NCL: variants seen among roughly 807,000 people sequenced by gnomAD.
NCL encodes nucleolin multifunctional protein.
Under a neutral mutation model 77.7 loss-of-function variants are expected in NCL, and 4 were observed. The ratio of observed to expected loss-of-function variants is 0.05; its 90% CI spans 0.03 to 0.12. NCL has a LOEUF of 0.12. Ranked by LOEUF, NCL falls within the 10% of genes least tolerant of loss-of-function variation. NCL has a pLI of 1.00. For synonymous variants in NCL, 344 were observed against 297.8 expected (o/e 1.16, Z -1.60); for missense variants, 763 against 860.9 (o/e 0.89, Z 1.42).
rs2046864947 is a variant in NCL at position 231,454,617 on chromosome 2, T to A, written c.*574A>T. The A allele has an allele frequency of 6.5e-6, 1 of 153,006 alleles. No individual in the cohort carries two copies. The highest frequency in any genetic ancestry group is 6.5e-5 in the Admixed American group (1 of 15,410). 9.5% of individuals were successfully genotyped at this position (153,006 alleles called of 1,614,324 possible). ...CCCCTCACCAGCATTTCAACCAAGTTAGTTAGGGCTGGGATACTGGAAACA... is the reference window on the plus strand; with the variant it reads ...CCCCTCACCAGCATTTCAACCAAGTAAGTTAGGGCTGGGATACTGGAAACA... On this transcript the variant is annotated 3_prime_UTR_variant, in exon 14 of 14. Transcript: ENST00000322723.
chr2:231,455,659 G>T (rs761783821), intron 12 of NCL, 35 bp from the exon 13 acceptor site: 1 of 1,601,258 alleles, frequency 6.2e-7, no homozygotes, highest in East Asian at 2.2e-5. Flanking sequence ...ATTATAAAAA[G>T]CACCTACTAC....
At position 231,464,481 on chromosome 2, in the gene NCL, G is replaced by T; in HGVS notation, c.-128C>A. Reference sequence around the variant, plus strand: ...CACCCGAAGGCCAGCGAGAGCTCGAGACTGAGGCGAAAGACTGAGCCTGCC... The same window carrying T: ...CACCCGAAGGCCAGCGAGAGCTCGATACTGAGGCGAAAGACTGAGCCTGCC... On this transcript the variant is annotated 5_prime_UTR_variant, in exon 1 of 14. Coordinates refer to ENST00000322723, the MANE Select transcript of NCL (RefSeq NM_005381.3). 1.5e-6 allele frequency: 2 copies of T among 1,337,360 alleles called. No individual in the cohort carries two copies. The highest frequency in any genetic ancestry group is 2.1e-6 in the Non-Finnish European group (2 of 956,132). 82.8% of individuals were successfully genotyped at this position (1,337,360 alleles called of 1,614,324 possible).
chr2:231,457,165 T>C (rs762451040), intron 9 of NCL, 41 bp from the exon 10 acceptor site: 2 of 1,611,906 alleles, frequency 1.2e-6, no homozygotes, highest in African/African-American at 1.3e-5. Flanking sequence ...TCTGAAACAG[T>C]GGTTCCCAGC....
Position 231,462,037 on chromosome 2 carries a change from C to T in NCL, c.136-20G>A, listed in dbSNP as rs967891580. The T allele has an allele frequency of 6.2e-7, 1 of 1,612,372 alleles. No individual in the cohort carries two copies. On this transcript the variant is annotated intron_variant, in intron 2 of 13. Coordinates refer to ENST00000322723, the MANE Select transcript of NCL (RefSeq NM_005381.3). ...GACGACCTTGAGAATAAATGAAAAC[C>T]AAACCAGTAAGTCCAGCCCCACACC...
Position 231,456,236 on chromosome 2 carries a change from T to G in NCL, c.1706-100A>C, listed in dbSNP as rs1259273719. ...GACTACTAGCCAAGAATACTTGTTA[T>G]AGTGAAAAAGCAGTTAAAAGCAACT... On this transcript the variant is annotated intron_variant, in intron 11 of 13. Transcript: ENST00000322723. 17 of 1,483,064 alleles carry G rather than the reference T, an allele frequency of 1.1e-5. 1 individual carries two copies. The South Asian group carries it at 1.9e-4, about 16-fold the overall frequency. 91.9% of individuals were successfully genotyped at this position (1,483,064 alleles called of 1,614,324 possible). A position where few individuals can be genotyped will look rare whatever the true frequency, so the allele number is the denominator to read the frequency against.
chr2:231,457,232 C>A, intron 9 of NCL, 108 bp from the exon 10 acceptor site: 1 of 1,455,114 alleles, frequency 6.9e-7, no homozygotes, highest in Non-Finnish European at 9.6e-7. Context: ...AGTTAATATA[C>A]AAATACTCAT....
At chr2:231,455,337 CG>C in intron 13 of NCL, 63 bp downstream of exon 13, 1 of 1,613,286 alleles carries the variant, frequency 6.2e-7, no homozygotes, top group Non-Finnish European at 8.5e-7. Flanking sequence ...GATTAGGAAC[CG>C]TGACAGGGCA....
At position 231,460,836 on chromosome 2, in the gene NCL, G is replaced by A. The variant is rs780724836; in HGVS notation, c.644C>T (p.Pro215Leu). 6.2e-7 allele frequency: 1 copy of A among 1,614,090 alleles called. No individual in the cohort carries two copies. Among genetic ancestry groups the A allele is most frequent in the Admixed American group, 1.7e-5 (1 of 60,004 alleles). ...TTTTGCAGCTTTCTTTCCTTTGGCT[G>A]GTGTAGTCTCCATAGCTTCTTCTTC... ...DSEEEAMETT[P>L]AKGKKAAKVV... The change falls in exon 4 of 14, where the codon CCA (proline) becomes CTA (leucine). Residue 215 changes from proline to leucine, a missense_variant. Transcript: ENST00000322723.
chr2:231,457,777 G>T lies in NCL; in HGVS notation c.1313C>A (p.Thr438Lys). The T allele has an allele frequency of 6.2e-7, 1 of 1,610,356 alleles. No homozygotes were observed. Among genetic ancestry groups the T allele is most frequent in the Non-Finnish European group, 8.5e-7 (1 of 1,178,426 alleles). Residue 438 changes from threonine (T) to lysine (K), a missense_variant, in exon 9 of 14, where the codon ACA becomes AAA. By Grantham distance (78) the Thr-to-Lys change is moderately conservative. Coordinates refer to ENST00000322723, the MANE Select transcript of NCL (RefSeq NM_005381.3). ...SKGIAYIEFK[T>K]EADAEKTFEE... ...AAAGGTTTTCTCTGCATCAGCTTCT[G>T]TCTTAAATTCAATATAAGCAATCCT...
intron 1 of NCL, 175 bp downstream of exon 1, chr2:231,464,161 T>C: frequency 7.1e-7 from 1 of 1,417,050 alleles, no homozygotes; most frequent in Non-Finnish European, 9.3e-7. Context: ...GCTCTTCACC[T>C]CGCCACCAAG....
chr2:231,459,930 A>G (rs1430147920), intron 6 of NCL, among the ~76,000 whole-genome samples: 1 of 151,618 alleles, frequency 6.6e-6, no homozygotes, highest in Non-Finnish European at 1.5e-5. Context: ...CAACAAAAAA[A>G]CTTACTAAAA....
Position 231,458,467 on chromosome 2 carries a change from A to G in NCL, c.1166-78T>C, listed in dbSNP as rs1575260235. On this transcript the variant is annotated intron_variant, in intron 7 of 13. Transcript: ENST00000322723. ...GGGCAACAACAAAAAGAGGGGAAAAACACACATAGCTCTATTCAACAAATA... is the reference window on the plus strand; with the variant it reads ...GGGCAACAACAAAAAGAGGGGAAAAGCACACATAGCTCTATTCAACAAATA... 4.6e-6 allele frequency: 7 copies of G among 1,508,406 alleles called. No individual in the cohort carries two copies. In the East Asian group the frequency reaches 1.4e-4, roughly 29 times the overall value. 93.4% of individuals were successfully genotyped at this position (1,508,406 alleles called of 1,614,324 possible). A position where few individuals can be genotyped will look rare whatever the true frequency, so the allele number is the denominator to read the frequency against.
chr2:231,461,825 T>C lies in NCL; in HGVS notation c.328A>G (p.Lys110Glu). Residue 110 changes from lysine to glutamate, a missense_variant, in exon 3 of 14, where the codon AAG becomes GAG. Physicochemically the swap from Lys to Glu is moderately conservative, Grantham distance 56. Around this residue, in one of 2 missense-constraint regions of NCL, gnomAD observed 590 missense variants for 570.5 expected, o/e 1.03. Coordinates refer to ENST00000322723, the MANE Select transcript of NCL (RefSeq NM_005381.3). ...AATGCTTTGCCTGGTGTGGCTCCCT[T>C]CTTGCCAGGTGTGGTAACTGCTTTG... ...PAKAVTTPGK[K>E]GATPGKALVA... is the part of the protein sequence containing the mutation. 6.2e-7 allele frequency: 1 copy of C among 1,613,556 alleles called. No homozygotes were observed. The highest frequency in any genetic ancestry group is 8.5e-7 in the Non-Finnish European group (1 of 1,179,954).
rs1171986774 is a variant in NCL at position 231,460,173 on chromosome 2, T to C, written c.1019A>G (p.Asp340Gly). ...TTACCTAGTCATACCAATTCTGACA[T>C]CCACAACAGCAAGATCATTTTTAGC... Reference protein sequence around the residue: ...VFAKNDLAVVDVRIGMTRKFG... With the variant: ...VFAKNDLAVVGVRIGMTRKFG... Residue 340 changes from aspartate (D) to glycine (G), a missense_variant, in exon 6 of 14, where the codon GAT becomes GGT. Asp to Gly is a moderately conservative substitution (Grantham distance 94). Coordinates refer to ENST00000322723, the MANE Select transcript of NCL (RefSeq NM_005381.3). 1.9e-6 allele frequency: 3 copies of C among 1,613,404 alleles called. No homozygotes were observed. The highest frequency in any genetic ancestry group is 1.1e-5 in the South Asian group (1 of 91,010).
In NCL at chr2:231,455,631, C is replaced by T. The variant is rs776927517; in HGVS notation, c.1833-7G>A. ...GAAGTCTACAAAACCAAACCTAGAA[C>T]ACCAAATGAAATTGCCCATTATAAA... is the stretch of plus-strand genomic sequence containing the variant. On this transcript the variant is annotated splice_region_variant and splice_polypyrimidine_tract_variant and intron_variant, in intron 12 of 13. Coordinates refer to ENST00000322723, the MANE Select transcript of NCL (RefSeq NM_005381.3). 4 of 1,613,678 alleles carry T rather than the reference C, an allele frequency of 2.5e-6. No individual in the cohort carries two copies. Among genetic ancestry groups the T allele is most frequent in the Non-Finnish European group, 3.4e-6 (4 of 1,179,770 alleles).
In NCL at chr2:231,456,154, AT is replaced by A; in HGVS notation, c.1706-19del. ...GGATGGCTCTGGGAAGGAAAAAAAA[AT>A]GTGACTTTATGTGAAGTCACAGTTC... On this transcript the variant is annotated intron_variant, in intron 11 of 13. Coordinates refer to ENST00000322723, the MANE Select transcript of NCL (RefSeq NM_005381.3). 1.2e-6 allele frequency: 2 copies of A among 1,613,204 alleles called. No homozygotes were observed. The highest frequency in any genetic ancestry group is 1.7e-6 in the Non-Finnish European group (2 of 1,179,780).
intron 9 of NCL, 95 bp downstream of exon 9, chr2:231,457,548 T>C: frequency 1.6e-6 from 2 of 1,268,840 alleles, no homozygotes; most frequent in Admixed American, 2.2e-5. Context: ...TTGAGTAACT[T>C]TGATTAAAAA....
In NCL at chr2:231,461,733, G is replaced by C; in HGVS notation, c.420C>G (p.Ala140=). The C allele has an allele frequency of 6.2e-7, 1 of 1,614,096 alleles. No homozygotes were observed. Among genetic ancestry groups the C allele is most frequent in the Non-Finnish European group, 8.5e-7 (1 of 1,180,024 alleles). The change falls in exon 3 of 14, where the codon GCC becomes GCG. Residue 140 remains alanine, a synonymous_variant. Coordinates refer to ENST00000322723, the MANE Select transcript of NCL (RefSeq NM_005381.3). Reference sequence around the variant, plus strand: ...CCTCTTCATCACTGTCTTCCTTCTTGGCATTCTTGCCATTCTTTGCCCCCT... The same window carrying C: ...CCTCTTCATCACTGTCTTCCTTCTTCGCATTCTTGCCATTCTTTGCCCCCT... ...PAKGAKNGKN[A]KKEDSDEEED... is the part of the protein sequence containing the mutation.
chr2:231,464,042 C>T (rs1339289124), intron 1 of NCL: 1 of 1,123,376 alleles, frequency 8.9e-7, no homozygotes, highest in Non-Finnish European at 1.1e-6. Context: ...AGCTCGTACG[C>T]GTCGCAAAAG....
Sources: allele counts gnomAD v4.1 joint callset (sites outside exome capture counted in the v4.1 genomes callset), GRCh38; gene constraint gnomAD v4.1.1; regional missense constraint gnomAD v4.1.1; transcripts MANE v1.5; gene names NCBI Gene and HGNC (gene_info 2026-07-23, HGNC 2026-07-21).